The following MAGI2 variants were observed in gnomAD, a reference collection of about 807,000 sequenced individuals.
The protein encoded by MAGI2 is membrane-associated guanylate kinase, WW and PDZ domain-containing protein 2.
Under a neutral mutation model 133.3 loss-of-function variants are expected in MAGI2, and 35 were observed. The ratio of observed to expected loss-of-function variants is 0.26; its 90% CI spans 0.20 to 0.35. The LOEUF (loss-of-function observed/expected upper bound fraction) is 0.35, where lower values mean the gene tolerates loss of function less well. MAGI2 is among the 10% of genes least tolerant of loss of function. The pLI, the probability that MAGI2 is intolerant of heterozygous loss-of-function variation, is 1.00. For missense variants in MAGI2, 1,636 were observed against 1,863.4 expected (o/e 0.88, Z 2.25); for synonymous variants, 729 against 710.6 (o/e 1.03, Z -0.41).
intron 15 of MAGI2, among the ~76,000 whole-genome samples, chr7:78,164,259 T>C (rs1389662596): frequency 6.7e-6 from 1 of 150,232 alleles, no homozygotes; most frequent in Non-Finnish European, 1.5e-5. Context: ...CCTGGGTCTC[T>C]TCTCAGGACT....
At chr7:78,895,268 G>T (rs1324980094) in intron 2 of MAGI2, among the ~76,000 whole-genome samples, 4 of 152,152 alleles carry the variant, frequency 2.6e-5, no homozygotes, top group Non-Finnish European at 4.4e-5. Flanking sequence ...CTGTCAGCAA[G>T]AAGGCTCTCA....
rs182195948 is a variant in MAGI2, at chr7:79,056,058, A to G, written c.302-48852T>C. ...AGTTAACCTCATAAATAAGTTTTAA[A>G]GAATACAACCTATCCAAAGTCTTTT... On this transcript the variant is annotated intron_variant, in intron 1 of 21. Coordinates refer to ENST00000354212, the MANE Select transcript of MAGI2 (RefSeq NM_012301.4). 3.1e-4 allele frequency among the ~76,000 whole-genome samples: 47 copies of G among 152,334 alleles called. No individual in the cohort carries two copies. The East Asian group carries it at 6.9e-3, about 22-fold the overall frequency.
At chr7:79,341,428 A>G (rs1840896971) in intron 1 of MAGI2, among the ~76,000 whole-genome samples, 1 of 152,112 alleles carries the variant, frequency 6.6e-6, no homozygotes, top group Non-Finnish European at 1.5e-5. Flanking sequence ...CTTAAGCAAG[A>G]GGTGATAGTT....
rs1431564412 is a variant in MAGI2, at chr7:79,369,787, C to T, written c.301+83233G>A. ...TGTAAAATTTTGAAGAGTATTAATA[C>T]ATCATCCACTGCACGAATTAATAGT... On this transcript the variant is annotated intron_variant, in intron 1 of 21. Coordinates refer to ENST00000354212, the MANE Select transcript of MAGI2 (RefSeq NM_012301.4). Among the ~76,000 whole-genome samples the T allele has an allele frequency of 8.5e-5, 13 of 152,212 alleles. No homozygotes were observed. The South Asian group carries it at 1.2e-3, about 15-fold the overall frequency.
At chr7:79,161,720 A>G (rs762815617) in intron 1 of MAGI2, among the ~76,000 whole-genome samples, 2 of 152,114 alleles carry the variant, frequency 1.3e-5, no homozygotes, top group Non-Finnish European at 2.9e-5. Context: ...AGAAGGGTCA[A>G]GAAAATCTTT....
At chr7:79,445,486 C>G (rs1412625887) in intron 1 of MAGI2, among the ~76,000 whole-genome samples, 4 of 152,034 alleles carry the variant, frequency 2.6e-5, no homozygotes, top group Admixed American at 6.6e-5. Context: ...ACAAACAACC[C>G]CATTAAAAAG....
intron 2 of MAGI2, among the ~76,000 whole-genome samples, chr7:78,920,637 T>C (rs531129951): frequency 3.9e-5 from 6 of 152,274 alleles, no homozygotes; most frequent in African/African-American, 1.4e-4. Flanking sequence ...TCTACATTCA[T>C]TATGGTCTTA....
At chr7:78,055,053 T>G (rs7791207) in intron 21 of MAGI2, among the ~76,000 whole-genome samples, 32,040 of 148,994 alleles carry the variant, frequency 0.22, 3,783 homozygotes, top group African/African-American at 0.34. Flanking sequence ...CAGGCGTGTG[T>G]TTTTTTTAAA....
chr7:78,686,104 T>C (rs969640092), intron 2 of MAGI2, among the ~76,000 whole-genome samples: 4 of 131,470 alleles, frequency 3.0e-5, no homozygotes, highest in African/African-American at 1.2e-4. Flanking sequence ...CATTATACAT[T>C]GAAGATGAAA....
chr7:78,318,568 T>C (rs1787673104), intron 9 of MAGI2, among the ~76,000 whole-genome samples: 1 of 152,190 alleles, frequency 6.6e-6, no homozygotes, highest in Non-Finnish European at 1.5e-5. Flanking sequence ...CCAGGAGAAC[T>C]TCCCCAACTT....
intron 12 of MAGI2, among the ~76,000 whole-genome samples, chr7:78,191,225 T>G (rs898703423): frequency 4.6e-5 from 7 of 151,528 alleles, no homozygotes; most frequent in African/African-American, 1.7e-4. Flanking sequence ...GGGGAAATAA[T>G]TCTTTTTTTT....
chr7:78,070,106 TAC>T (rs67410981), intron 21 of MAGI2, among the ~76,000 whole-genome samples: 9,386 of 79,328 alleles, frequency 0.12, 901 homozygotes, highest in East Asian at 0.31. Context: ...CACACACACA[TAC>T]ACACACACAC....
intron 2 of MAGI2, among the ~76,000 whole-genome samples, chr7:78,657,198 G>A (rs187915130): frequency 5.9e-5 from 9 of 152,306 alleles, no homozygotes; most frequent in Admixed American, 2.6e-4. Flanking sequence ...AGGATGTGGA[G>A]TAAAAGGAAC....
chr7:79,380,444 C>G (rs187501102), intron 1 of MAGI2, among the ~76,000 whole-genome samples: 3 of 151,710 alleles, frequency 2.0e-5, no homozygotes, highest in Admixed American at 2.0e-4. Context: ...AGCAAAAGGA[C>G]GATGCACATT....
At chr7:78,075,379 T>TC (rs1045995586) in intron 21 of MAGI2, among the ~76,000 whole-genome samples, 1 of 149,140 alleles carries the variant, frequency 6.7e-6, no homozygotes, top group South Asian at 2.2e-4. Context: ...AATAAATCTT[T>TC]TTTTTTTTTT....
intron 9 of MAGI2, among the ~76,000 whole-genome samples, chr7:78,337,383 C>A (rs936529289): frequency 6.6e-6 from 1 of 152,186 alleles, no homozygotes; most frequent in Non-Finnish European, 1.5e-5. Context: ...CTCCTGTTCT[C>A]CATACCTTCC....
chr7:78,999,349 T>TGTCC lies in MAGI2; in HGVS notation c.418+7737_418+7740dup, dbSNP rs1001476302. Among the ~76,000 whole-genome samples the TGTCC allele has an allele frequency of 1.2e-4, 18 of 152,036 alleles. 1 individual carries two copies. The highest frequency in any genetic ancestry group is 4.3e-4 in the African/African-American group (18 of 41,486). ...ATATGTTCCTTTATTCTCAAACTAG[T>TGTCC]GTCCTGTGGTGTCAAATTGATAAAT... On this transcript the variant is annotated intron_variant, in intron 2 of 21. Transcript: ENST00000354212.
At chr7:78,963,015 A>G (rs1802982843) in intron 2 of MAGI2, among the ~76,000 whole-genome samples, 1 of 152,112 alleles carries the variant, frequency 6.6e-6, no homozygotes. Context: ...ATTTTTGGGC[A>G]TAGAATTTAT....
chr7:79,262,105 C>T (rs547464023), intron 1 of MAGI2, among the ~76,000 whole-genome samples: 1 of 152,282 alleles, frequency 6.6e-6, no homozygotes, highest in South Asian at 2.1e-4. Flanking sequence ...CCTTAAAAAA[C>T]CCCTGCTTTA....
Sources: allele counts gnomAD v4.1 joint callset (sites outside exome capture counted in the v4.1 genomes callset), GRCh38; gene constraint gnomAD v4.1.1; transcripts MANE v1.5; gene names NCBI Gene and HGNC (gene_info 2026-07-23, HGNC 2026-07-21).